CIBAR2: variants seen among roughly 807,000 people sequenced by gnomAD.
The protein encoded by CIBAR2 is CBY1-interacting BAR domain-containing protein 2.
A neutral mutation model predicts 36.2 loss-of-function variants in CIBAR2; 38 were observed. The ratio of observed to expected loss-of-function variants is 1.05; its 90% confidence interval spans 0.81 to 1.38. The LOEUF is 1.38. Among genes scored for constraint, CIBAR2 ranks in the 40% most tolerant of loss-of-function variants. CIBAR2 has a pLI of 0.00. For synonymous variants in CIBAR2, 182 were observed against 149.5 expected, an observed-to-expected ratio of 1.22 and a Z score of -1.58; for missense variants, 481 against 383.4, an observed-to-expected ratio of 1.25 and a Z score of -2.13.
Position 85,098,518 on chromosome 16 carries a change from T to C in CIBAR2, c.*667A>G. On this transcript the variant is annotated 3_prime_UTR_variant, in exon 9 of 9. Transcript: ENST00000539556. ...CTGAGGGCACACAGCAGAGCCCACCTGAGGATCCAAGGCCAGCTAAGTTCT... is the reference window on the plus strand; with the variant it reads ...CTGAGGGCACACAGCAGAGCCCACCCGAGGATCCAAGGCCAGCTAAGTTCT... The C allele has an allele frequency of 1.0e-6, 1 of 986,216 alleles. No individual in the cohort carries two copies. 61.1% of individuals were successfully genotyped at this position (986,216 alleles called of 1,614,324 possible). A position where few individuals can be genotyped will look rare whatever the true frequency, so the allele number is the denominator to read the frequency against.
intron 1 of CIBAR2, among the ~76,000 whole-genome samples, chr16:85,111,815 A>G (rs775122119): frequency 6.6e-6 from 1 of 152,214 alleles, no homozygotes; most frequent in Non-Finnish European, 1.5e-5. Context: ...GCACCACTGC[A>G]CTCCAGCTTG....
rs747077441 is a variant in CIBAR2 at position 85,108,077 on chromosome 16, A to T, written c.278T>A (p.Val93Glu). The T allele has an allele frequency of 3.1e-6, 5 of 1,612,320 alleles. No homozygotes were observed. In the African/African-American group the frequency reaches 5.3e-5, roughly 17 times the overall value. Residue 93 changes from valine (V) to glutamate (E), a missense_variant, in exon 3 of 9, where the codon GTG (valine) becomes GAG (glutamate). Coordinates refer to ENST00000539556, the MANE Select transcript of CIBAR2 (RefSeq NM_198491.3). ...CCCGTAGAGCTTCAGGGGGTTGACC[A>T]CCTTGGTCTCCAGCCTCTCGACCTG... The part of the protein sequence containing the change: ...QAQVERLETK[V>E]VNPLKLYGAQ...
intron 1 of CIBAR2, 89 bp downstream of exon 1, chr16:85,112,244 G>A: frequency 8.3e-7 from 1 of 1,207,438 alleles, no homozygotes; most frequent in Non-Finnish European, 1.2e-6. Flanking sequence ...CAAGCAGCAG[G>A]CCCTGCTGCC....
chr16:85,099,072 G>T lies in CIBAR2; in HGVS notation c.*113C>A. On this transcript the variant is annotated 3_prime_UTR_variant, in exon 9 of 9. Coordinates refer to ENST00000539556, the MANE Select transcript of CIBAR2 (RefSeq NM_198491.3). ...TTCAGAGCTTGAAGACAAGGTCTTT[G>T]AATTAACACAATCCAACAAAGACAA... 7.8e-7 allele frequency: 1 copy of T among 1,282,876 alleles called. No individual in the cohort carries two copies. Among genetic ancestry groups the T allele is most frequent in the Non-Finnish European group, 1.0e-6 (1 of 972,032 alleles). The allele number at this position is 1,282,876 out of a possible 1,614,324, so 79.5% of individuals were successfully genotyped here. A position where few individuals can be genotyped will look rare whatever the true frequency, so the allele number is the denominator to read the frequency against.
At chr16:85,100,303 TG>T (rs1392805457) in intron 7 of CIBAR2, 63 bp from the exon 8 acceptor site, 4 of 1,087,656 alleles carry the variant, frequency 3.7e-6, no homozygotes, top group Non-Finnish European at 5.5e-6. Context: ...GTTGGGGGAG[TG>T]GGATGGAAAG....
intron 8 of CIBAR2, among the ~76,000 whole-genome samples, chr16:85,099,797 CTTT>C (rs71386075): frequency 0.031 from 2,413 of 77,504 alleles, 32 homozygotes; most frequent in African/African-American, 0.045. Flanking sequence ...CTAATTTTTG[CTTT>C]TTTTTTTTTT....
At position 85,107,881 on chromosome 16, in the gene CIBAR2, G is replaced by T. The variant is rs751686654; in HGVS notation, c.391C>A (p.Leu131Met). The change falls in exon 4 of 9, where the codon CTG becomes ATG. Residue 131 changes from leucine (L) to methionine (M), a missense_variant. Physicochemically the swap from Leu to Met is conservative, Grantham distance 15. Transcript: ENST00000539556. Reference sequence around the variant, plus strand: ...TGATCCGAGGGTGACTTCTGCCTCAGTTTCTCCAGTTTTTCCAGTTGTTTG... The same window carrying T: ...TGATCCGAGGGTGACTTCTGCCTCATTTTCTCCAGTTTTTCCAGTTGTTTG... ...EIKQLEKLEK[L>M]RQKSPSDQQM... is the part of the protein sequence containing the mutation. 6.2e-7 allele frequency: 1 copy of T among 1,614,036 alleles called. No homozygotes were observed. The highest frequency in any genetic ancestry group is 1.3e-5 in the African/African-American group (1 of 74,926).
chr16:85,110,268 G>A lies in CIBAR2; in HGVS notation c.213C>T (p.Phe71=), dbSNP rs763570040. 9.4e-6 allele frequency: 15 copies of A among 1,601,342 alleles called. No individual in the cohort carries two copies. The highest frequency in any genetic ancestry group is 3.4e-5 in the Admixed American group (2 of 58,620). ...NPELRATMRG[F]AEDLAKVQDY... is the part of the protein sequence containing the mutation. ...CCTGCACTTTGGCCAGGTCCTCAGC[G>A]AAGCCCCTCATGGTGGCCCGCAGCT... The change falls in exon 2 of 9, where the codon TTC becomes TTT. Residue 71 remains phenylalanine, a synonymous_variant. Transcript: ENST00000539556.
At chr16:85,109,618 C>G (rs894031433) in intron 2 of CIBAR2, among the ~76,000 whole-genome samples, 8 of 152,230 alleles carry the variant, frequency 5.3e-5, no homozygotes, top group Admixed American at 3.3e-4. Flanking sequence ...CTTCCAGACT[C>G]AAATGATCCT....
At chr16:85,105,496 C>A in intron 5 of CIBAR2, 65 bp from the exon 6 acceptor site, 1 of 1,134,156 alleles carries the variant, frequency 8.8e-7, no homozygotes. Context: ...AGACACCTTT[C>A]TGAATCACTC....
chr16:85,108,222 C>G lies in CIBAR2; in HGVS notation c.256-123G>C, dbSNP rs529686405. The G allele has an allele frequency of 4.8e-6, 4 of 836,318 alleles. No individual in the cohort carries two copies. The African/African-American group carries it at 5.1e-5, about 11-fold the overall frequency. The allele number at this position is 836,318 out of a possible 1,614,324, so 51.8% of individuals were successfully genotyped here. A position where few individuals can be genotyped will look rare whatever the true frequency, so the allele number is the denominator to read the frequency against. On this transcript the variant is annotated intron_variant, in intron 2 of 8. Coordinates refer to ENST00000539556, the MANE Select transcript of CIBAR2 (RefSeq NM_198491.3). ...CAGAGCTGTGCGGCGGGAGGTGGAG[C>G]GCGAGGTGCCCTCCCTTTTCCCGGT...
intron 1 of CIBAR2, among the ~76,000 whole-genome samples, chr16:85,110,685 G>A (rs1350739861): frequency 8.0e-5 from 12 of 150,368 alleles, no homozygotes; most frequent in Non-Finnish European, 1.5e-5. Flanking sequence ...ATAAATGCGG[G>A]CTTGGCTGCA....
At position 85,105,376 on chromosome 16, in the gene CIBAR2, A is replaced by T. The variant is rs763481996; in HGVS notation, c.488T>A (p.Leu163Gln). 1 of 1,613,892 alleles carries T rather than the reference A, an allele frequency of 6.2e-7. No individual in the cohort carries two copies. The highest frequency in any genetic ancestry group is 2.2e-5 in the East Asian group (1 of 44,892). The change falls in exon 6 of 9, where the codon CTG becomes CAG. Residue 163 changes from leucine (L) to glutamine (Q), a missense_variant. Coordinates refer to ENST00000539556, the MANE Select transcript of CIBAR2 (RefSeq NM_198491.3). ...CTGGAAGCCATCCACAGTCTCCTCC[A>T]GCTGGAGGGTGGTGCGGCTGGAGTC... ...AVDSSRTTLQ[L>Q]EETVDGFQRQ...
In CIBAR2 at chr16:85,100,239, T is replaced by C; in HGVS notation, c.653A>G (p.Asp218Gly). The change falls in exon 8 of 9, where the codon GAT becomes GGT. Residue 218 changes from aspartate to glycine, a missense_variant and splice_region_variant. Transcript: ENST00000539556. ...AACTCCTTGCATCTTGGCTCTAAAA[T>C]CCTGCCGGGGAGAGACCAGGGTGGG... The part of the protein sequence containing the change: ...EKYDLERDLL[D>G]FRAKMQGVYG... 6.3e-7 allele frequency: 1 copy of C among 1,599,438 alleles called. No individual in the cohort carries two copies. Among genetic ancestry groups the C allele is most frequent in the Non-Finnish European group, 8.5e-7 (1 of 1,171,196 alleles).
Position 85,110,435 on chromosome 16 carries a change from T to C in CIBAR2, c.46A>G (p.Asn16Asp). ...SRDSQVRVME[N>D]TVANTEKYFG... Reference sequence around the variant, plus strand: ...TACTTCTCGGTGTTGGCCACGGTATTCTCCATCACCCTCACCTGGCTGTCC... The same window carrying C: ...TACTTCTCGGTGTTGGCCACGGTATCCTCCATCACCCTCACCTGGCTGTCC... The change falls in exon 2 of 9, where the codon AAT (asparagine) becomes GAT (aspartate). Residue 16 changes from asparagine (N) to aspartate (D), a missense_variant. Coordinates refer to ENST00000539556, the MANE Select transcript of CIBAR2 (RefSeq NM_198491.3). 1 of 1,606,994 alleles carries C rather than the reference T, an allele frequency of 6.2e-7. No individual in the cohort carries two copies.
In CIBAR2 at chr16:85,106,790, T is replaced by C. The variant is rs545934996; in HGVS notation, c.432+877A>G. Among the ~76,000 whole-genome samples, 13 of 152,302 alleles carry C rather than the reference T, an allele frequency of 8.5e-5. No homozygotes were observed. The South Asian group carries it at 2.5e-3, about 29-fold the overall frequency. ...AACTTAACACTTTCTAGCAGAGCTC[T>C]CCAATCCTGAGCCAGAAACATCGCC... On this transcript the variant is annotated intron_variant, in intron 5 of 8. Coordinates refer to ENST00000539556, the MANE Select transcript of CIBAR2 (RefSeq NM_198491.3).
intron 6 of CIBAR2, among the ~76,000 whole-genome samples, chr16:85,102,934 C>G (rs1389474067): frequency 1.3e-5 from 2 of 151,258 alleles, no homozygotes; most frequent in African/African-American, 4.9e-5. Context: ...TGGAGTCTCC[C>G]TCTGTCACCC....
Position 85,098,527 on chromosome 16 carries a change from A to C in CIBAR2, c.*658T>G. On this transcript the variant is annotated 3_prime_UTR_variant, in exon 9 of 9. Transcript: ENST00000539556. The stretch of plus-strand genomic sequence containing the variant: ...CACAGCAGAGCCCACCTGAGGATCC[A>C]AGGCCAGCTAAGTTCTTCTGACTGT... 1.0e-6 allele frequency: 1 copy of C among 986,216 alleles called. No individual in the cohort carries two copies. The highest frequency in any genetic ancestry group is 1.2e-6 in the Non-Finnish European group (1 of 830,216). The allele number at this position is 986,216 out of a possible 1,614,324, so 61.1% of individuals were successfully genotyped here. A position where few individuals can be genotyped will look rare whatever the true frequency, so the allele number is the denominator to read the frequency against.
intron 1 of CIBAR2, 81 bp downstream of exon 1, chr16:85,112,252 G>T: frequency 1.6e-6 from 2 of 1,245,230 alleles, no homozygotes; most frequent in South Asian, 2.4e-5. Context: ...AGGCCCTGCT[G>T]CCCTCATCTT....
Sources: gnomAD v4.1 joint callset for allele counts (sites outside exome capture counted in the v4.1 genomes callset) on GRCh38, gnomAD v4.1.1 for gene constraint, MANE v1.5 for transcripts, NCBI Gene and HGNC (gene_info 2026-07-23, HGNC 2026-07-21) for gene names.